TRIM38: variants seen among roughly 807,000 people sequenced by gnomAD.
The protein encoded by TRIM38 is E3 ubiquitin-protein ligase TRIM38.
A neutral mutation model predicts 35.8 loss-of-function variants in TRIM38; 35 were observed. That is an observed-to-expected ratio of 0.98 (90% confidence interval 0.75 to 1.30). The LOEUF (loss-of-function observed/expected upper bound fraction) is 1.30, where lower values mean the gene tolerates loss of function less well. Among genes scored for constraint, TRIM38 ranks in the 50% most tolerant of loss-of-function variants. The pLI is 0.00. For missense variants in TRIM38, 545 were observed against 556.9 expected, an observed-to-expected ratio of 0.98 and a Z score of 0.21; for synonymous variants, 198 against 204.7, an observed-to-expected ratio of 0.97 and a Z score of 0.28.
chr6:25,966,694 T>G lies in TRIM38; in HGVS notation c.172T>G (p.Cys58Gly). The G allele has an allele frequency of 6.2e-7, 1 of 1,614,222 alleles. No homozygotes were observed. Among genetic ancestry groups the G allele is most frequent in the African/African-American group, 1.3e-5 (1 of 75,060 alleles). The change falls in exon 3 of 8, where the codon TGC (cysteine) becomes GGC (glycine). Residue 58 changes from cysteine (C) to glycine (G), a missense_variant. By Grantham distance (159) the Cys-to-Gly change is radical. Transcript: ENST00000357085. ...SQKQLRQETF[C>G]CPQCRAPFHM... ...AAAGCAACTGAGGCAGGAGACATTCTGCTGTCCCCAGTGTCGGGCTCCATT... is the reference window on the plus strand; with the variant it reads ...AAAGCAACTGAGGCAGGAGACATTCGGCTGTCCCCAGTGTCGGGCTCCATT...
Position 25,966,545 on chromosome 6 carries a change from A to G in TRIM38, c.23A>G (p.Lys8Arg). The change falls in exon 3 of 8, where the codon AAG becomes AGG. Residue 8 changes from lysine (K) to arginine (R), a missense_variant. Transcript: ENST00000357085. ...GCTATGGCCTCAACCACCAGCACCA[A>G]GAAGATGATGGAGGAAGCCACCTGC... MASTTST[K>R]KMMEEATCSI... 3 of 1,611,848 alleles carry G rather than the reference A, an allele frequency of 1.9e-6. No individual in the cohort carries two copies. Among genetic ancestry groups the G allele is most frequent in the Non-Finnish European group, 2.5e-6 (3 of 1,178,556 alleles).
intron 7 of TRIM38, among the ~76,000 whole-genome samples, chr6:25,978,483 A>G (rs1003413116): frequency 6.6e-6 from 1 of 152,104 alleles, no homozygotes; most frequent in Non-Finnish European, 1.5e-5. Flanking sequence ...TGATTGGTAC[A>G]TATAATATAT....
At chr6:25,964,259 T>C (rs1759948609) in intron 2 of TRIM38, among the ~76,000 whole-genome samples, 1 of 152,128 alleles carries the variant, frequency 6.6e-6, no homozygotes, top group African/African-American at 2.4e-5. Flanking sequence ...TGCATATGTA[T>C]GTATGTATAA....
In TRIM38 at chr6:25,973,616, T is replaced by C. The variant is rs889799256; in HGVS notation, c.874+331T>C. ...ATCATCAAAATTAAATGCATCAACA[T>C]GTACAAAGTGCTTAGCCCTGTGACT... On this transcript the variant is annotated intron_variant, in intron 7 of 7. Transcript: ENST00000357085. The C allele has an allele frequency of 4.1e-6, 4 of 979,246 alleles. No individual in the cohort carries two copies. The African/African-American group carries it at 7.0e-5, about 17-fold the overall frequency. The allele number at this position is 979,246 out of a possible 1,614,324, so 60.7% of individuals were successfully genotyped here.
intron 3 of TRIM38, among the ~76,000 whole-genome samples, chr6:25,968,848 T>G (rs1337483071): frequency 6.6e-6 from 1 of 152,262 alleles, no homozygotes; most frequent in African/African-American, 2.4e-5. Flanking sequence ...TGATTTTTCC[T>G]GACTCATAAG....
intron 3 of TRIM38, among the ~76,000 whole-genome samples, chr6:25,968,511 A>T (rs1760128951): frequency 6.6e-6 from 1 of 152,246 alleles, no homozygotes; most frequent in Non-Finnish European, 1.5e-5. Context: ...GAATGCATAG[A>T]ATAGCACTTG....
In TRIM38 at chr6:25,988,045, A is replaced by C. The variant is rs976823715; in HGVS notation, c.*4358A>C. On this transcript the variant is annotated 3_prime_UTR_variant, in exon 8 of 8. Transcript: ENST00000357085. ...TCCATAAGACACGCCCACCAGCGCC[A>C]TGTCAGTTTTTCGTTGCCATGGCAA... 1.3e-5 allele frequency: 2 copies of C among 152,186 alleles called. No individual in the cohort carries two copies. The highest frequency in any genetic ancestry group is 2.9e-5 in the Non-Finnish European group (2 of 68,022). 9.4% of individuals were successfully genotyped at this position (152,186 alleles called of 1,614,324 possible).
At chr6:25,978,183 C>A (rs1194068972) in intron 7 of TRIM38, among the ~76,000 whole-genome samples, 1 of 151,966 alleles carries the variant, frequency 6.6e-6, no homozygotes, top group Non-Finnish European at 1.5e-5. Flanking sequence ...CTCTGTCTCC[C>A]AGGCTGAGTG....
chr6:25,982,510 C>G (rs1318450492), intron 7 of TRIM38, among the ~76,000 whole-genome samples: 1 of 152,162 alleles, frequency 6.6e-6, no homozygotes, highest in Non-Finnish European at 1.5e-5. Flanking sequence ...TGTCTTTTCT[C>G]ATTCCTTTGA....
intron 7 of TRIM38, chr6:25,974,003 G>C (rs1049208214): frequency 5.4e-5 from 18 of 330,864 alleles, no homozygotes; most frequent in Non-Finnish European, 6.9e-5. Context: ...ATGATTTGGT[G>C]GTTATATTAG....
chr6:25,979,324 C>T (rs1465131947), intron 7 of TRIM38, among the ~76,000 whole-genome samples: 1 of 152,064 alleles, frequency 6.6e-6, no homozygotes, highest in Non-Finnish European at 1.5e-5. Context: ...ATAAAACTGA[C>T]AAGTTCCATT....
intron 7 of TRIM38, among the ~76,000 whole-genome samples, chr6:25,977,696 A>G: frequency 6.8e-6 from 1 of 147,136 alleles, no homozygotes; most frequent in African/African-American, 2.5e-5. Flanking sequence ...ATGAAGGAGG[A>G]GGAGGAAGAG....
intron 3 of TRIM38, 51 bp downstream of exon 3, chr6:25,966,984 C>T (rs1458726697): frequency 2.7e-6 from 4 of 1,506,198 alleles, no homozygotes; most frequent in South Asian, 1.3e-5. Flanking sequence ...TTATCCTGCT[C>T]CCCAGGAGCT....
rs1760729623 is a variant in TRIM38 at position 25,987,115 on chromosome 6, A to G, written c.*3428A>G. On this transcript the variant is annotated 3_prime_UTR_variant, in exon 8 of 8. Transcript: ENST00000357085. ...GAATAGATGACCAACAATCTCCTTC[A>G]CACTCATACTATTTAAACTGTCCTA... The G allele has an allele frequency of 1.3e-5, 2 of 152,034 alleles. No homozygotes were observed. Among genetic ancestry groups the G allele is most frequent in the African/African-American group, 4.8e-5 (2 of 41,366 alleles). 9.4% of individuals were successfully genotyped at this position (152,034 alleles called of 1,614,324 possible). A position where few individuals can be genotyped will look rare whatever the true frequency, so the allele number is the denominator to read the frequency against.
intron 4 of TRIM38, 81 bp downstream of exon 4, chr6:25,969,501 T>C (rs948812263): frequency 3.6e-5 from 43 of 1,187,196 alleles, no homozygotes; most frequent in East Asian, 2.0e-4. Flanking sequence ...AAAAGCACAA[T>C]GAGGATTTAT....
chr6:25,978,205 C>T (rs971163781), intron 7 of TRIM38, among the ~76,000 whole-genome samples: 2 of 151,984 alleles, frequency 1.3e-5, no homozygotes, highest in Non-Finnish European at 2.9e-5. Flanking sequence ...TGCAGTAGTG[C>T]GATTATGGCT....
At chr6:25,965,478 G>A (rs1019105823) in intron 2 of TRIM38, among the ~76,000 whole-genome samples, 2 of 152,162 alleles carry the variant, frequency 1.3e-5, no homozygotes, top group Admixed American at 1.3e-4. Context: ...GACTTTAGCT[G>A]GACATGGTGG....
chr6:25,985,745 C>T lies in TRIM38; in HGVS notation c.*2058C>T, dbSNP rs1760692061. The stretch of plus-strand genomic sequence containing the variant: ...TGGATATTCATAAGCTCTTCTCTAC[C>T]TCTTGGCATCCCACAGTCCTGTGTT... On this transcript the variant is annotated 3_prime_UTR_variant, in exon 8 of 8. Transcript: ENST00000357085. 1 of 152,184 alleles carries T rather than the reference C, an allele frequency of 6.6e-6. No individual in the cohort carries two copies. Among genetic ancestry groups the T allele is most frequent in the Non-Finnish European group, 1.5e-5 (1 of 68,044 alleles). The allele number at this position is 152,184 out of a possible 1,614,324, so 9.4% of individuals were successfully genotyped here.
At chr6:25,970,652 C>T (rs1397327323) in intron 4 of TRIM38, among the ~76,000 whole-genome samples, 1 of 152,154 alleles carries the variant, frequency 6.6e-6, no homozygotes, top group Non-Finnish European at 1.5e-5. Context: ...TAAAGCTGCA[C>T]CTGTCTCCTA....
Sources: allele counts gnomAD v4.1 joint callset (sites outside exome capture counted in the v4.1 genomes callset), GRCh38; gene constraint gnomAD v4.1.1; transcripts MANE v1.5; gene names NCBI Gene and HGNC (gene_info 2026-07-23, HGNC 2026-07-21).